The following TICAM1 variants were observed in gnomAD, a reference collection of about 807,000 sequenced individuals.
TICAM1 encodes TIR domain containing adaptor molecule 1, also known as TIR domain-containing adapter molecule 1.
For synonymous variants in TICAM1, 439 were observed against 415.4 expected, an observed-to-expected ratio of 1.06 and a Z score of -0.69; for missense variants, 895 against 938.2, an observed-to-expected ratio of 0.95 and a Z score of 0.60.
intron 1 of TICAM1, among the ~76,000 whole-genome samples, chr19:4,819,141 G>A (rs2093593067): frequency 6.6e-6 from 1 of 151,892 alleles, no homozygotes; most frequent in South Asian, 2.1e-4. Flanking sequence ...GGGCGTGGTG[G>A]CACGTGCCTG....
chr19:4,818,899 C>A lies in TICAM1; in HGVS notation c.-139-383G>T, dbSNP rs11466714. ...CCGAGGCGGGGGGATCACCTGAGGTCAGGAGTTCGAGACCAGCCTGGCCAA... is the reference window on the plus strand; with the variant it reads ...CCGAGGCGGGGGGATCACCTGAGGTAAGGAGTTCGAGACCAGCCTGGCCAA... On this transcript the variant is annotated intron_variant, in intron 1 of 1. Transcript: ENST00000248244. The surrounding 1 kb of genome is among the most constrained non-coding windows in gnomAD (Gnocchi z 4.0). 6.6e-5 allele frequency among the ~76,000 whole-genome samples: 10 copies of A among 152,110 alleles called. No individual in the cohort carries two copies. The highest frequency in any genetic ancestry group is 1.2e-4 in the Non-Finnish European group (8 of 68,028).
intron 1 of TICAM1, among the ~76,000 whole-genome samples, chr19:4,828,042 C>T (rs75225294): frequency 1.3e-5 from 2 of 151,938 alleles, no homozygotes; most frequent in East Asian, 3.9e-4. Flanking sequence ...CATGCTGGGA[C>T]AGGGTAGCAG....
chr19:4,828,135 G>A (rs1167699391), intron 1 of TICAM1, among the ~76,000 whole-genome samples: 1 of 151,160 alleles, frequency 6.6e-6, no homozygotes, highest in Non-Finnish European at 1.5e-5. Context: ...TTTTTTTTGA[G>A]ACGGAGTCTC....
rs2093586931 is a variant in TICAM1, at chr19:4,816,961, T to C, written c.1417A>G (p.Met473Val). The C allele has an allele frequency of 3.7e-6, 6 of 1,614,076 alleles. No homozygotes were observed. The highest frequency in any genetic ancestry group is 5.1e-6 in the Non-Finnish European group (6 of 1,180,032). ...CCCTGTCGCGTGAGGTTGCTCATCA[T>C]GGCTTGGTTCACCTGGTGCAGGCTC... ...RLSLHQVNQA[M>V]MSNLTRQGSP... Residue 473 changes from methionine (M) to valine (V), a missense_variant, in exon 2 of 2, where the codon ATG becomes GTG. Coordinates refer to ENST00000248244, the MANE Select transcript of TICAM1 (RefSeq NM_182919.4). This position sits in a 1 kb window ranked among gnomAD's most constrained non-coding sequence, Gnocchi z 4.3.
Position 4,816,790 on chromosome 19 carries a change from G to T in TICAM1, c.1588C>A (p.Pro530Thr). 1 of 1,613,374 alleles carries T rather than the reference G, an allele frequency of 6.2e-7. No individual in the cohort carries two copies. ...GCCTTTCGGGCCTGAAGCCTGTGGG[G>T]CTTGAAGGTGTTGGCCACCTTCCTG... ...FARKVANTFK[P>T]HRLQARKAMW... Residue 530 changes from proline (P) to threonine (T), a missense_variant, in exon 2 of 2, where the codon CCC (proline) becomes ACC (threonine). Physicochemically the swap from Pro to Thr is conservative, Grantham distance 38. Coordinates refer to ENST00000248244, the MANE Select transcript of TICAM1 (RefSeq NM_182919.4). This position sits in a 1 kb window ranked among gnomAD's most constrained non-coding sequence, Gnocchi z 4.3.
chr19:4,825,829 G>A (rs2093604631), intron 1 of TICAM1, among the ~76,000 whole-genome samples: 1 of 151,902 alleles, frequency 6.6e-6, no homozygotes, highest in African/African-American at 2.4e-5. Flanking sequence ...CATGGTGGCA[G>A]GTGCTGGTAA....
intron 1 of TICAM1, among the ~76,000 whole-genome samples, chr19:4,824,302 C>G (rs186357408): frequency 2.0e-3 from 308 of 151,192 alleles, no homozygotes; most frequent in Middle Eastern, 3.4e-3. Flanking sequence ...AGCCACCATG[C>G]CTGGCTTGAA....
rs142707797 is a variant in TICAM1, at chr19:4,822,127, G to A, written c.-139-3611C>T. On this transcript the variant is annotated intron_variant, in intron 1 of 1. Transcript: ENST00000248244. ...ATTTTGTATTTTTAGTAGAGACGGG[G>A]TTTCTCCGTGTTGGCCAGGCTGGTC... Among the ~76,000 whole-genome samples the A allele has an allele frequency of 1.3e-3, 195 of 151,234 alleles. 3 individuals carry two copies. The East Asian group carries it at 0.03, about 23-fold the overall frequency.
intron 1 of TICAM1, among the ~76,000 whole-genome samples, chr19:4,823,207 G>A (rs1395304426): frequency 6.6e-6 from 1 of 152,024 alleles, no homozygotes. Context: ...GCTCACGCCT[G>A]TAATCCCAGC....
Position 4,817,639 on chromosome 19 carries a change from A to T in TICAM1, c.739T>A (p.Cys247Ser). ...SLVPEPVPGGCQEPEEMSWPP... is the reference protein window; with the variant it reads ...SLVPEPVPGGSQEPEEMSWPP... ...CAGCTCATCTCCTCAGGCTCCTGGC[A>T]GCCACCGGGGACAGGCTCGGGCACC... is the stretch of plus-strand genomic sequence containing the variant. The change falls in exon 2 of 2, where the codon TGC becomes AGC. Residue 247 changes from cysteine to serine, a missense_variant. Cys to Ser is a moderately radical substitution (Grantham distance 112). Coordinates refer to ENST00000248244, the MANE Select transcript of TICAM1 (RefSeq NM_182919.4). This position sits in a 1 kb window ranked among gnomAD's most constrained non-coding sequence, Gnocchi z 4.7. The T allele has an allele frequency of 6.3e-7, 1 of 1,585,266 alleles. No individual in the cohort carries two copies. The highest frequency in any genetic ancestry group is 8.6e-7 in the Non-Finnish European group (1 of 1,165,612).
chr19:4,821,351 T>C (rs954607612), intron 1 of TICAM1, among the ~76,000 whole-genome samples: 3 of 152,160 alleles, frequency 2.0e-5, no homozygotes, highest in Non-Finnish European at 2.9e-5. Context: ...AAGCATCATA[T>C]ATATTACATA....
rs1600051931 is a variant in TICAM1, at chr19:4,816,093, G to A, written c.*146C>T. On this transcript the variant is annotated 3_prime_UTR_variant, in exon 2 of 2. Coordinates refer to ENST00000248244, the MANE Select transcript of TICAM1 (RefSeq NM_182919.4). This position sits in a 1 kb window ranked among gnomAD's most constrained non-coding sequence, Gnocchi z 4.3. ...TCGCGCCCGTTTTGTCCTAAATGAA[G>A]GGCTCCCGGACAATGTCCTGAAAGT... is the stretch of plus-strand genomic sequence containing the variant. 2 of 1,241,544 alleles carry A rather than the reference G, an allele frequency of 1.6e-6. No individual in the cohort carries two copies. The highest frequency in any genetic ancestry group is 1.5e-5 in the African/African-American group (1 of 64,644). The allele number at this position is 1,241,544 out of a possible 1,614,324, so 76.9% of individuals were successfully genotyped here.
At chr19:4,825,346 G>A (rs1002098587) in intron 1 of TICAM1, among the ~76,000 whole-genome samples, 1 of 152,020 alleles carries the variant, frequency 6.6e-6, no homozygotes, top group Admixed American at 6.6e-5. Flanking sequence ...GGAATAATCT[G>A]TACACCAAAC....
At position 4,818,591 on chromosome 19, in the gene TICAM1, G is replaced by A. The variant is rs11466717; in HGVS notation, c.-139-75C>T. ...ACGGGAAGGCGGCCCACACACCCCC[G>A]CCTGCTTTCCCCGCCTGCCACCCAG... On this transcript the variant is annotated intron_variant, in intron 1 of 1. Coordinates refer to ENST00000248244, the MANE Select transcript of TICAM1 (RefSeq NM_182919.4). The surrounding 1 kb of genome is among the most constrained non-coding windows in gnomAD (Gnocchi z 4.0). 1.4e-3 allele frequency: 1,502 copies of A among 1,047,956 alleles called. 20 individuals are homozygous for A. In the African/African-American group the frequency reaches 0.022, roughly 15 times the overall value. 64.9% of individuals were successfully genotyped at this position (1,047,956 alleles called of 1,614,324 possible). A position where few individuals can be genotyped will look rare whatever the true frequency, so the allele number is the denominator to read the frequency against.
intron 1 of TICAM1, among the ~76,000 whole-genome samples, chr19:4,826,117 G>A (rs981759122): frequency 3.3e-5 from 5 of 149,522 alleles, no homozygotes; most frequent in Middle Eastern, 3.6e-3. Flanking sequence ...ACCGGAGATC[G>A]CGCCACTGCA....
chr19:4,816,055 AG>A lies in TICAM1; in HGVS notation c.*183del. 16 of 886,210 alleles carry A rather than the reference AG, an allele frequency of 1.8e-5. No individual in the cohort carries two copies. Among genetic ancestry groups the A allele is most frequent in the Non-Finnish European group, 2.4e-5 (16 of 666,300 alleles). The allele number at this position is 886,210 out of a possible 1,614,324, so 54.9% of individuals were successfully genotyped here. ...CGTATCCAGTTCTGACCACCCTGAA[AG>A]CCAGGGCATCATCGCGCCCGTTTTG... is the stretch of plus-strand genomic sequence containing the variant. On this transcript the variant is annotated 3_prime_UTR_variant, in exon 2 of 2. Transcript: ENST00000248244. The surrounding 1 kb of genome is among the most constrained non-coding windows in gnomAD (Gnocchi z 4.3).
chr19:4,817,228 A>C lies in TICAM1; in HGVS notation c.1150T>G (p.Ser384Ala). 6.2e-7 allele frequency: 1 copy of C among 1,612,620 alleles called. No individual in the cohort carries two copies. Among genetic ancestry groups the C allele is most frequent in the South Asian group, 1.1e-5 (1 of 91,020 alleles). ...TGTTCCGATGATGATTCCAGGGAGG[A>C]AGGGAACAGGGAGGAGGGGGTCAGG... ...AHLTPSSLFP[S>A]SLESSSEQKF... The change falls in exon 2 of 2, where the codon TCC becomes GCC. Residue 384 changes from serine (S) to alanine (A), a missense_variant. By Grantham distance (99) the Ser-to-Ala change is moderately conservative. Coordinates refer to ENST00000248244, the MANE Select transcript of TICAM1 (RefSeq NM_182919.4). The surrounding 1 kb of genome is among the most constrained non-coding windows in gnomAD (Gnocchi z 4.7).
rs751265594 is a variant in TICAM1 at position 4,817,162 on chromosome 19, C to T, written c.1216G>A (p.Glu406Lys). 26 of 1,614,044 alleles carry T rather than the reference C, an allele frequency of 1.6e-5. No individual in the cohort carries two copies. The East Asian group carries it at 4.9e-4, about 30-fold the overall frequency. The change falls in exon 2 of 2, where the codon GAA becomes AAA. Residue 406 changes from glutamate to lysine, a missense_variant. Glu to Lys is a moderately conservative substitution (Grantham distance 56). Coordinates refer to ENST00000248244, the MANE Select transcript of TICAM1 (RefSeq NM_182919.4). This position sits in a 1 kb window ranked among gnomAD's most constrained non-coding sequence, Gnocchi z 4.7. Reference protein sequence around the residue: ...NFVILHARADEHIALRVREKL... With the variant: ...NFVILHARADKHIALRVREKL... The stretch of plus-strand genomic sequence containing the variant: ...TCCCGAACCCGCAGGGCGATGTGTT[C>T]GTCTGCCCTGGCGTGGAGGATCACA...
intron 1 of TICAM1, among the ~76,000 whole-genome samples, chr19:4,827,148 C>T (rs1008713606): frequency 1.0e-4 from 15 of 149,128 alleles, no homozygotes; most frequent in Admixed American, 3.4e-4. Context: ...GTGAGGAGTT[C>T]GAGGCTAGCC....
Sources: gnomAD v4.1 joint callset for allele counts (sites outside exome capture counted in the v4.1 genomes callset) on GRCh38, gnomAD v4.1.1 for gene constraint, Gnocchi (gnomAD v3.1) non-coding constraint, MANE v1.5 for transcripts, NCBI Gene and HGNC (gene_info 2026-07-23, HGNC 2026-07-21) for gene names.